The following LIMA1 variants were observed in gnomAD, a reference collection of about 807,000 sequenced individuals.
LIMA1 encodes LIM domain and actin binding 1, also known as LIM domain and actin-binding protein 1.
LIMA1 carries 52 observed loss-of-function variants against 62.6 expected under a neutral mutation model. That is an observed-to-expected ratio of 0.83 (90% CI 0.67 to 1.05). The LOEUF is 1.05. Ranked by LOEUF, LIMA1 falls within the 50% of genes least tolerant of loss-of-function variation. LIMA1 has a pLI of 0.00. For synonymous variants in LIMA1, 302 were observed against 317.8 expected, an observed-to-expected ratio of 0.95 and a Z score of 0.53; for missense variants, 780 against 902.2, an observed-to-expected ratio of 0.86 and a Z score of 1.74.
In LIMA1 at chr12:50,177,054, T is replaced by C. The variant is rs748625422; in HGVS notation, c.*10A>G. 3.0e-5 allele frequency: 46 copies of C among 1,536,866 alleles called. No homozygotes were observed. The highest frequency in any genetic ancestry group is 3.7e-5 in the Non-Finnish European group (42 of 1,144,010). On this transcript the variant is annotated 3_prime_UTR_variant, in exon 11 of 11. Transcript: ENST00000341247. ...AACATGAATTTAAGGCCCAGCATCA[T>C]TGCAATTTGTCACTCTTCATCCTCA...
At chr12:50,197,052 G>C (rs1255002548) in intron 7 of LIMA1, among the ~76,000 whole-genome samples, 4 of 150,182 alleles carry the variant, frequency 2.7e-5, no homozygotes, top group African/African-American at 9.8e-5. Flanking sequence ...TGGTCACCTT[G>C]AACCTGTGAG....
At chr12:50,229,532 G>A (rs1941578848) in intron 3 of LIMA1, among the ~76,000 whole-genome samples, 1 of 152,092 alleles carries the variant, frequency 6.6e-6, no homozygotes, top group Non-Finnish European at 1.5e-5. Flanking sequence ...TCACACACAC[G>A]GGGGCCTGTT....
intron 3 of LIMA1, among the ~76,000 whole-genome samples, chr12:50,227,459 C>T (rs928435911): frequency 6.6e-6 from 1 of 151,960 alleles, no homozygotes; most frequent in African/African-American, 2.4e-5. Context: ...AAGCTGGTCT[C>T]GAACTCCTGA....
At chr12:50,189,092 G>A (rs1940694598) in intron 9 of LIMA1, 2 of 152,228 alleles carry the variant, frequency 1.3e-5, no homozygotes, top group South Asian at 4.1e-4. Flanking sequence ...CGGAGCACAT[G>A]TACAGATTCA....
intron 1 of LIMA1, among the ~76,000 whole-genome samples, chr12:50,268,175 G>C (rs572057986): frequency 6.6e-6 from 1 of 152,068 alleles, no homozygotes; most frequent in East Asian, 1.9e-4. Flanking sequence ...TGAGTGCCTC[G>C]TTTCTGCGGG....
At chr12:50,198,252 A>G (rs1157801989) in intron 7 of LIMA1, among the ~76,000 whole-genome samples, 1 of 152,200 alleles carries the variant, frequency 6.6e-6, no homozygotes, top group African/African-American at 2.4e-5. Flanking sequence ...GTTGTAGTCA[A>G]ATAAGTTTGA....
At chr12:50,240,295 G>A (rs747710732) in intron 2 of LIMA1, among the ~76,000 whole-genome samples, 9 of 152,204 alleles carry the variant, frequency 5.9e-5, no homozygotes, top group Admixed American at 2.6e-4. Context: ...GCAATGAGGC[G>A]GGAGGCAGGG....
At chr12:50,270,205 A>T (rs1278047673) in intron 1 of LIMA1, among the ~76,000 whole-genome samples, 1 of 139,262 alleles carries the variant, frequency 7.2e-6, no homozygotes, top group East Asian at 2.2e-4. Context: ...ATTGTACTCT[A>T]GCCTGGGCAA....
At chr12:50,227,168 T>C (rs996294138) in intron 3 of LIMA1, among the ~76,000 whole-genome samples, 2 of 151,872 alleles carry the variant, frequency 1.3e-5, no homozygotes, top group African/African-American at 2.4e-5. Context: ...CAATTCTACC[T>C]GGAAGTGCTA....
chr12:50,203,879 G>A (rs1361771562), intron 6 of LIMA1, among the ~76,000 whole-genome samples: 1 of 152,114 alleles, frequency 6.6e-6, no homozygotes, highest in Non-Finnish European at 1.5e-5. Flanking sequence ...AAAATAGGCA[G>A]ATACATAAAG....
At chr12:50,206,384 G>T (rs562014305) in intron 4 of LIMA1, among the ~76,000 whole-genome samples, 1 of 152,210 alleles carries the variant, frequency 6.6e-6, no homozygotes, top group South Asian at 2.1e-4. Flanking sequence ...AAGTGCTGAT[G>T]CAGAATCTGC....
rs576014057 is a variant in LIMA1, at chr12:50,243,092, C to T, written c.119+5541G>A. On this transcript the variant is annotated intron_variant, in intron 2 of 10. Coordinates refer to ENST00000341247, the MANE Select transcript of LIMA1 (RefSeq NM_016357.5). The stretch of plus-strand genomic sequence containing the variant: ...TGGATGTATCAATAGGAACTTCTTA[C>T]CTCAAATTTAACGACTGTTATAGAG... Among the ~76,000 whole-genome samples, 4 of 152,140 alleles carry T rather than the reference C, an allele frequency of 2.6e-5. No individual in the cohort carries two copies. The South Asian group carries it at 8.3e-4, about 32-fold the overall frequency.
At chr12:50,247,304 C>G (rs75323155) in intron 2 of LIMA1, among the ~76,000 whole-genome samples, 1 of 152,042 alleles carries the variant, frequency 6.6e-6, no homozygotes, top group East Asian at 1.9e-4. Flanking sequence ...ACTTCCGAGG[C>G]TAGGTCATAA....
Position 50,204,672 on chromosome 12 carries a change from C to T in LIMA1, c.744G>A (p.Ser248=), listed in dbSNP as rs754241453. The T allele has an allele frequency of 1.3e-5, 21 of 1,613,892 alleles. No individual in the cohort carries two copies. The highest frequency in any genetic ancestry group is 2.2e-5 in the East Asian group (1 of 44,884). The change falls in exon 6 of 11, where the codon TCG becomes TCA. Residue 248 remains serine (S), a synonymous_variant. Coordinates refer to ENST00000341247, the MANE Select transcript of LIMA1 (RefSeq NM_016357.5). ...PGQLSSSTFD[S]EKNESRRNLE... The stretch of plus-strand genomic sequence containing the variant: ...GATTTCGTCTACTCTCATTTTTCTC[C>T]GAGTCAAATGTAGAAGATGACAACT...
intron 8 of LIMA1, among the ~76,000 whole-genome samples, chr12:50,193,003 T>TGTGC (rs1417297735): frequency 9.5e-6 from 1 of 105,354 alleles, no homozygotes; most frequent in African/African-American, 3.6e-5. Context: ...TGTGTGTGTG[T>TGTGC]GCGCGCGTGC....
rs796097623 is a variant in LIMA1 at position 50,240,063 on chromosome 12, T to TAAAAC, written c.120-8354_120-8353insGTTTT. On this transcript the variant is annotated intron_variant, in intron 2 of 10. Transcript: ENST00000341247. ...TAACATAACATAACATAACATAAAA[T>TAAAAC]AAAAAATTTTTAAAAGGAGCGCCTC... 5.8e-3 allele frequency among the ~76,000 whole-genome samples: 836 copies of TAAAAC among 143,984 alleles called. 17 individuals are homozygous for TAAAAC. Among genetic ancestry groups the TAAAAC allele is most frequent in the African/African-American group, 0.02 (757 of 38,052 alleles). 94.5% of individuals were successfully genotyped at this position (143,984 alleles called of 152,430 possible).
chr12:50,215,109 C>T (rs1941320459), intron 4 of LIMA1, among the ~76,000 whole-genome samples: 1 of 152,102 alleles, frequency 6.6e-6, no homozygotes, highest in Non-Finnish European at 1.5e-5. Context: ...GAGATCATCA[C>T]ACTTTAGCTT....
At chr12:50,223,911 G>A (rs1255326092) in intron 3 of LIMA1, among the ~76,000 whole-genome samples, 5 of 151,574 alleles carry the variant, frequency 3.3e-5, no homozygotes, top group Admixed American at 3.3e-4. Flanking sequence ...GGTGGCACGC[G>A]CCTGTAGTCC....
intron 6 of LIMA1, chr12:50,204,343 G>T: frequency 2.2e-6 from 1 of 451,370 alleles, no homozygotes; most frequent in Non-Finnish European, 3.8e-6. Context: ...AAGTGAGTGG[G>T]GTGGGAACCA....
Sources: allele counts gnomAD v4.1 joint callset (sites outside exome capture counted in the v4.1 genomes callset), GRCh38; gene constraint gnomAD v4.1.1; transcripts MANE v1.5; gene names NCBI Gene and HGNC (gene_info 2026-07-23, HGNC 2026-07-21).